Variants in FRMD4A observed in about 807,000 individuals in gnomAD.
FRMD4A encodes FERM domain-containing protein 4A.
FRMD4A carries 29 observed loss-of-function variants against 129.1 expected under a neutral mutation model. That is an observed-to-expected ratio of 0.22 (90% confidence interval 0.17 to 0.31). The LOEUF is 0.31. FRMD4A is among the 10% of genes least tolerant of loss of function. The pLI is 1.00. For missense variants in FRMD4A, 1,272 were observed against 1,375.8 expected, an observed-to-expected ratio of 0.92 and a Z score of 1.19; for synonymous variants, 634 against 571.6, an observed-to-expected ratio of 1.11 and a Z score of -1.56.
At chr10:14,141,260 G>T (rs1839819972) in intron 2 of FRMD4A, among the ~76,000 whole-genome samples, 1 of 152,166 alleles carries the variant, frequency 6.6e-6, no homozygotes, top group African/African-American at 2.4e-5. Context: ...CACCCTGGAT[G>T]TGCCCACAGG....
intron 2 of FRMD4A, among the ~76,000 whole-genome samples, chr10:13,920,099 G>C (rs952226613): frequency 1.3e-5 from 2 of 152,140 alleles, no homozygotes; most frequent in Admixed American, 1.3e-4. Context: ...TCTTAGAAGG[G>C]GAGCAAGATT....
At chr10:14,290,214 A>C (rs1481371469) in intron 2 of FRMD4A, among the ~76,000 whole-genome samples, 1 of 152,106 alleles carries the variant, frequency 6.6e-6, no homozygotes, top group Admixed American at 6.5e-5. Context: ...TTTTTTATAG[A>C]AATAGGAAAA....
chr10:14,073,086 C>T (rs1045465097), intron 2 of FRMD4A, among the ~76,000 whole-genome samples: 2 of 152,188 alleles, frequency 1.3e-5, no homozygotes, highest in Non-Finnish European at 2.9e-5. Flanking sequence ...ACTACGAGAA[C>T]CCCTTGTAAC....
chr10:14,304,952 G>A (rs11593791), intron 2 of FRMD4A, among the ~76,000 whole-genome samples: 17,709 of 152,234 alleles, frequency 0.12, 1,130 homozygotes, highest in Middle Eastern at 0.24. Flanking sequence ...CAGTGGAAAC[G>A]GGTTTGATAA....
chr10:14,057,731 C>T (rs1039637782), intron 2 of FRMD4A, among the ~76,000 whole-genome samples: 4 of 152,082 alleles, frequency 2.6e-5, no homozygotes, highest in Admixed American at 6.6e-5. Flanking sequence ...CCACCCTGCC[C>T]GGCTAATTTT....
intron 2 of FRMD4A, among the ~76,000 whole-genome samples, chr10:14,260,125 C>A (rs10906639): frequency 1.7e-4 from 26 of 151,642 alleles, no homozygotes; most frequent in Admixed American, 1.7e-3. Context: ...GGGAGAACAT[C>A]GTGGAAAGAA....
intron 2 of FRMD4A, among the ~76,000 whole-genome samples, chr10:14,088,454 A>G (rs1315863115): frequency 3.3e-5 from 5 of 151,522 alleles, no homozygotes; most frequent in African/African-American, 9.7e-5. Flanking sequence ...AAAAGAAAAA[A>G]AAAAAAAAAG....
chr10:13,958,444 T>C (rs1052040615), intron 2 of FRMD4A, among the ~76,000 whole-genome samples: 2 of 151,486 alleles, frequency 1.3e-5, no homozygotes, highest in Non-Finnish European at 2.9e-5. Context: ...CCACCATGCC[T>C]GGCTAATTTT....
chr10:13,690,161 C>T (rs986918018), intron 15 of FRMD4A, among the ~76,000 whole-genome samples: 4 of 152,138 alleles, frequency 2.6e-5, no homozygotes, highest in Non-Finnish European at 5.9e-5. Context: ...AGAGTATTAA[C>T]AATTAGAGCT....
chr10:13,715,529 C>A (rs2088695359), intron 12 of FRMD4A, among the ~76,000 whole-genome samples: 1 of 152,080 alleles, frequency 6.6e-6, no homozygotes, highest in Non-Finnish European at 1.5e-5. Flanking sequence ...GGAATAATAG[C>A]ACTTTTCTCA....
At chr10:13,662,645 T>C (rs2082722599) in intron 19 of FRMD4A, among the ~76,000 whole-genome samples, 1 of 152,166 alleles carries the variant, frequency 6.6e-6, no homozygotes. Flanking sequence ...GAAAATATCC[T>C]AACTGCCAGG....
intron 15 of FRMD4A, among the ~76,000 whole-genome samples, chr10:13,680,344 A>G (rs2134755190): frequency 6.6e-6 from 1 of 152,208 alleles, no homozygotes; most frequent in East Asian, 1.9e-4. Context: ...ACCTAGGCTT[A>G]TGCTGATTTA....
At chr10:13,900,475 C>T (rs1206063456) in intron 2 of FRMD4A, among the ~76,000 whole-genome samples, 2 of 152,152 alleles carry the variant, frequency 1.3e-5, no homozygotes, top group Non-Finnish European at 2.9e-5. Context: ...TACCTTGGAG[C>T]CCCTGGGAGT....
rs112196829 is a variant in FRMD4A at position 13,789,676 on chromosome 10, G to C, written c.300-6670C>G. Among the ~76,000 whole-genome samples, 1,185 of 151,536 alleles carry C rather than the reference G, an allele frequency of 7.8e-3. 16 individuals carry two copies. Among genetic ancestry groups the C allele is most frequent in the African/African-American group, 0.027 (1,120 of 41,252 alleles). ...AAAGCTTGCCTGGTGAACAATATCA[G>C]AGAGACATTGTTCCCAAGCCTTATA... On this transcript the variant is annotated intron_variant, in intron 5 of 24. Coordinates refer to ENST00000357447, the MANE Select transcript of FRMD4A (RefSeq NM_018027.5).
At chr10:14,208,984 G>A (rs1348724109) in intron 2 of FRMD4A, among the ~76,000 whole-genome samples, 1 of 152,132 alleles carries the variant, frequency 6.6e-6, no homozygotes, top group Non-Finnish European at 1.5e-5. Context: ...GGAGGCCCGT[G>A]GTAGGGAGGC....
At chr10:13,796,625 A>G (rs1157282145) in intron 4 of FRMD4A, 37 bp from the exon 5 acceptor site, 2 of 1,159,562 alleles carry the variant, frequency 1.7e-6, no homozygotes, top group South Asian at 1.2e-5. Flanking sequence ...AGGGGTTTGC[A>G]TTTTGCAGAA....
intron 2 of FRMD4A, among the ~76,000 whole-genome samples, chr10:14,042,038 T>G (rs532078630): frequency 3.2e-4 from 49 of 152,314 alleles, no homozygotes; most frequent in African/African-American, 1.1e-3. Flanking sequence ...TTCAAAAATT[T>G]TCCTCCCCGT....
Position 13,966,088 on chromosome 10 carries a change from C to T in FRMD4A, c.46-107176G>A, listed in dbSNP as rs932996500. Among the ~76,000 whole-genome samples the T allele has an allele frequency of 5.3e-5, 8 of 152,038 alleles. No homozygotes were observed. The South Asian group carries it at 1.2e-3, about 24-fold the overall frequency. Reference sequence around the variant, plus strand: ...GCAGTGGTGCCATCTTGGCTCACTGCGACCTCTCGAACTCCCGACCTCCCG... The same window carrying T: ...GCAGTGGTGCCATCTTGGCTCACTGTGACCTCTCGAACTCCCGACCTCCCG... On this transcript the variant is annotated intron_variant, in intron 2 of 24. Transcript: ENST00000357447.
chr10:14,287,204 T>C (rs1428288936), intron 2 of FRMD4A, among the ~76,000 whole-genome samples: 1 of 152,100 alleles, frequency 6.6e-6, no homozygotes, highest in Non-Finnish European at 1.5e-5. Context: ...AGGTGTAGAC[T>C]GGCCGTTGTG....
Sources: gnomAD v4.1 joint callset for allele counts (sites outside exome capture counted in the v4.1 genomes callset) on GRCh38, gnomAD v4.1.1 for gene constraint, MANE v1.5 for transcripts, NCBI Gene and HGNC (gene_info 2026-07-23, HGNC 2026-07-21) for gene names.